Variants in FAF2 observed in about 807,000 individuals in gnomAD.
FAF2 encodes the protein Fas associated factor family member 2.
In FAF2, 9 loss-of-function variants were observed where a neutral mutation model predicts 62.3. The observed-to-expected ratio is 0.14, with a 90% CI of 0.09 to 0.25. The LOEUF (loss-of-function observed/expected upper bound fraction) is 0.25. Ranked by LOEUF, FAF2 falls within the 10% of genes least tolerant of loss-of-function variation. FAF2 has a pLI of 1.00. For synonymous variants in FAF2, 202 were observed against 198.0 expected (o/e 1.02, Z -0.17); for missense variants, 368 against 556.2 (o/e 0.66, Z 3.40).
At chr5:176,498,200 G>C (rs1755531270) in intron 8 of FAF2, among the ~76,000 whole-genome samples, 1 of 152,182 alleles carries the variant, frequency 6.6e-6, no homozygotes, top group Non-Finnish European at 1.5e-5. Context: ...GTAAAAAAAT[G>C]TATAGAACAG....
chr5:176,499,203 A>AAAAAAGG, intron 9 of FAF2, 118 bp downstream of exon 9: 1 of 951,228 alleles, frequency 1.1e-6, no homozygotes, highest in Non-Finnish European at 1.4e-6. Flanking sequence ...GAGGGAAAAA[A>AAAAAAGG]AAAAAGGAAA....
chr5:176,485,077 A>G (rs1262309211), intron 2 of FAF2, among the ~76,000 whole-genome samples: 2 of 152,218 alleles, frequency 1.3e-5, no homozygotes, highest in East Asian at 3.8e-4. Context: ...TGCATAGTTA[A>G]GATGGAAAAG....
intron 5 of FAF2, among the ~76,000 whole-genome samples, chr5:176,492,950 G>A (rs979222215): frequency 2.6e-5 from 4 of 152,204 alleles, no homozygotes; most frequent in African/African-American, 9.6e-5. Context: ...CATAGACTCA[G>A]GGTAGCACAT....
intron 3 of FAF2, among the ~76,000 whole-genome samples, chr5:176,487,072 C>G (rs1033553776): frequency 2.6e-5 from 4 of 152,186 alleles, no homozygotes; most frequent in Admixed American, 1.3e-4. Context: ...GTTATACTCA[C>G]CTCTTATACT....
intron 7 of FAF2, among the ~76,000 whole-genome samples, chr5:176,495,307 G>C (rs1053467647): frequency 6.6e-6 from 1 of 152,148 alleles, no homozygotes; most frequent in African/African-American, 2.4e-5. Flanking sequence ...TGAATCTTAA[G>C]CCTAATTGTT....
intron 8 of FAF2, among the ~76,000 whole-genome samples, chr5:176,498,488 ACT>A (rs922070270): frequency 5.3e-5 from 8 of 151,694 alleles, no homozygotes; most frequent in East Asian, 1.9e-4. Flanking sequence ...GACTCTGAAA[ACT>A]CTACATTTTC....
At chr5:176,500,988 G>A (rs1755581154) in intron 10 of FAF2, among the ~76,000 whole-genome samples, 1 of 152,054 alleles carries the variant, frequency 6.6e-6, no homozygotes, top group African/African-American at 2.4e-5. Flanking sequence ...TTAGCTGGGC[G>A]TGGTGGCACG....
At chr5:176,491,717 T>C (rs1758973391) in intron 4 of FAF2, among the ~76,000 whole-genome samples, 1 of 152,218 alleles carries the variant, frequency 6.6e-6, no homozygotes, top group Non-Finnish European at 1.5e-5. Context: ...AACACGTGGC[T>C]GTTGAGCACT....
Position 176,506,830 on chromosome 5 carries a change from T to C in FAF2, c.1218T>C (p.Asn406=), listed in dbSNP as rs1755692709. The C allele has an allele frequency of 1.2e-6, 2 of 1,613,864 alleles. No homozygotes were observed. The highest frequency in any genetic ancestry group is 2.7e-5 in the African/African-American group (2 of 74,896). ...ESPEKFQIEA[N]FPRRVLPCIP... is the part of the protein sequence containing the mutation. ...CAGAAAAGTTTCAGATTGAAGCCAA[T>C]TTTCCCAGGCGAGTGCTGCCCTGCA... The change falls in exon 11 of 11, where the codon AAT becomes AAC. Residue 406 remains asparagine (N), a synonymous_variant. Transcript: ENST00000261942.
chr5:176,477,762 C>T (rs1022757476), intron 1 of FAF2, among the ~76,000 whole-genome samples: 2 of 152,068 alleles, frequency 1.3e-5, no homozygotes, highest in African/African-American at 4.8e-5. Flanking sequence ...ACATTAAACC[C>T]TTCACATTGC....
intron 1 of FAF2, among the ~76,000 whole-genome samples, chr5:176,464,289 G>GT (rs990317869): frequency 2.6e-5 from 4 of 151,726 alleles, no homozygotes; most frequent in Non-Finnish European, 4.4e-5. Context: ...ATTGTGGGGG[G>GT]TTTTTTTGGA....
At chr5:176,467,354 C>T (rs1297070551) in intron 1 of FAF2, among the ~76,000 whole-genome samples, 2 of 151,232 alleles carry the variant, frequency 1.3e-5, no homozygotes, top group Non-Finnish European at 2.9e-5. Context: ...TTTTTTGAGT[C>T]AGTGTCGCCC....
chr5:176,504,436 T>A (rs1435777360), intron 10 of FAF2, among the ~76,000 whole-genome samples: 1 of 151,866 alleles, frequency 6.6e-6, no homozygotes, highest in African/African-American at 2.4e-5. Flanking sequence ...ACACAAAAAT[T>A]AGCTGGGCAT....
At chr5:176,492,768 A>C (rs1360078656) in intron 5 of FAF2, among the ~76,000 whole-genome samples, 8 of 152,216 alleles carry the variant, frequency 5.3e-5, no homozygotes, top group Admixed American at 3.3e-4. Flanking sequence ...ATCATCTAGA[A>C]TACTAATCTT....
intron 1 of FAF2, among the ~76,000 whole-genome samples, chr5:176,472,264 A>T (rs570821920): frequency 2.7e-4 from 41 of 152,020 alleles, no homozygotes; most frequent in African/African-American, 9.4e-4. Context: ...CTCCTGCCTC[A>T]GCCTCCTGAG....
chr5:176,448,651 C>T lies in FAF2; in HGVS notation c.63+181C>T, dbSNP rs113490158. ...CCCCCAAGCCTCTGTTGGACCCTAGCCTTCCAGCCATCGCTGCGGGCAGAC... is the reference window on the plus strand; with the variant it reads ...CCCCCAAGCCTCTGTTGGACCCTAGTCTTCCAGCCATCGCTGCGGGCAGAC... On this transcript the variant is annotated intron_variant, in intron 1 of 10. Transcript: ENST00000261942. Among the ~76,000 whole-genome samples the T allele has an allele frequency of 6.5e-3, 993 of 151,864 alleles. 10 individuals carry two copies. The highest frequency in any genetic ancestry group is 0.023 in the African/African-American group (934 of 41,398).
intron 1 of FAF2, among the ~76,000 whole-genome samples, chr5:176,456,877 G>A (rs6866627): frequency 0.051 from 7,800 of 152,196 alleles, 680 homozygotes; most frequent in African/African-American, 0.18. Context: ...TGCTGAATCT[G>A]TTCAAGAACA....
intron 10 of FAF2, 129 bp downstream of exon 10, chr5:176,500,275 G>A (rs554023464): frequency 5.5e-6 from 5 of 916,066 alleles, no homozygotes; most frequent in Non-Finnish European, 8.3e-6. Flanking sequence ...GAGAGAGAGA[G>A]AGAGATGGGT....
In FAF2 at chr5:176,506,978, C is replaced by T. The variant is rs752915781; in HGVS notation, c.*28C>T. 1 of 1,396,418 alleles carries T rather than the reference C, an allele frequency of 7.2e-7. No individual in the cohort carries two copies. Among genetic ancestry groups the T allele is most frequent in the South Asian group, 1.9e-5 (1 of 51,896 alleles). 86.5% of individuals were successfully genotyped at this position (1,396,418 alleles called of 1,614,324 possible). ...TTTTTTTCTTCCTGTCCCCTCCTACCCCAGTCCCTAAAAGAAATGGGGAAA... is the reference window on the plus strand; with the variant it reads ...TTTTTTTCTTCCTGTCCCCTCCTACTCCAGTCCCTAAAAGAAATGGGGAAA... On this transcript the variant is annotated 3_prime_UTR_variant, in exon 11 of 11. Coordinates refer to ENST00000261942, the MANE Select transcript of FAF2 (RefSeq NM_014613.3).
Sources: allele counts gnomAD v4.1 joint callset (sites outside exome capture counted in the v4.1 genomes callset), GRCh38; gene constraint gnomAD v4.1.1; transcripts MANE v1.5; gene names NCBI Gene and HGNC (gene_info 2026-07-23, HGNC 2026-07-21).